Variants in STK3 observed in about 807,000 individuals in gnomAD.
STK3 encodes serine/threonine-protein kinase 3.
STK3 carries 41 observed loss-of-function variants against 58.0 expected under a neutral mutation model. The observed-to-expected ratio is 0.71, with a 90% CI of 0.55 to 0.92. The LOEUF is 0.92. Among genes scored for constraint, STK3 ranks in the 40% least tolerant of loss-of-function variants. STK3 has a pLI of 0.00. For missense variants in STK3, 479 were observed against 602.7 expected (o/e 0.79, Z 2.15); for synonymous variants, 170 against 191.0 (o/e 0.89, Z 0.91).
intron 2 of STK3, 25 bp downstream of exon 2, chr8:98,774,714 A>T: frequency 6.8e-7 from 1 of 1,474,024 alleles, no homozygotes; most frequent in East Asian, 2.3e-5. Flanking sequence ...AATTATTTAC[A>T]TGCTTTCATA....
intron 10 of STK3, among the ~76,000 whole-genome samples, chr8:98,495,060 G>GA (rs1383233336): frequency 2.0e-5 from 3 of 152,254 alleles, no homozygotes; most frequent in Non-Finnish European, 4.4e-5. Context: ...CTTTCCAGAA[G>GA]AAAAAATCCA....
chr8:98,478,579 C>T (rs1821570774), intron 10 of STK3, among the ~76,000 whole-genome samples: 1 of 152,186 alleles, frequency 6.6e-6, no homozygotes, highest in South Asian at 2.1e-4. Context: ...ATGACTAAAA[C>T]TAGCTGCAGG....
chr8:98,410,877 CT>C (rs1364141994), intron 3 of STK3, among the ~76,000 whole-genome samples: 1 of 152,042 alleles, frequency 6.6e-6, no homozygotes, highest in Non-Finnish European at 1.5e-5. Flanking sequence ...ATAATTTACC[CT>C]CAGATCAATA....
intron 1 of STK3, among the ~76,000 whole-genome samples, chr8:98,934,398 G>A (rs186199902): frequency 2.0e-5 from 3 of 152,184 alleles, no homozygotes; most frequent in African/African-American, 4.8e-5. Context: ...TTCCAAGTCC[G>A]ACCCACCTTC....
At chr8:98,889,156 G>T (rs1188167570) in intron 1 of STK3, among the ~76,000 whole-genome samples, 1 of 152,168 alleles carries the variant, frequency 6.6e-6, no homozygotes, top group Non-Finnish European at 1.5e-5. Flanking sequence ...GGAATTGCCT[G>T]GGAACCATTC....
chr8:98,708,749 A>G (rs1563915420), intron 4 of STK3, among the ~76,000 whole-genome samples: 1 of 152,190 alleles, frequency 6.6e-6, no homozygotes, highest in Non-Finnish European at 1.5e-5. Context: ...TTGGCACAAA[A>G]TCTCCTAAGA....
At chr8:98,477,347 A>C (rs1243535593) in intron 10 of STK3, among the ~76,000 whole-genome samples, 1 of 152,092 alleles carries the variant, frequency 6.6e-6, no homozygotes, top group Non-Finnish European at 1.5e-5. Flanking sequence ...ATGTCAATCT[A>C]ATTCTTAGGC....
At chr8:98,844,606 CAGG>C (rs1836125656) in intron 3 of STK3, among the ~76,000 whole-genome samples, 5 of 152,160 alleles carry the variant, frequency 3.3e-5, no homozygotes, top group African/African-American at 1.2e-4. Flanking sequence ...GCTGGGATTA[CAGG>C]CCCGCACCAT....
At position 98,893,482 on chromosome 8, in the gene STK3, GA is replaced by G. The variant is rs1564087217; in HGVS notation, c.-78-9649del. On this transcript the variant is annotated intron_variant, in intron 1 of 1. Transcript: ENST00000519420. ...AGAAAGAAAGAAAGAAAGAAAGAAA[GA>G]AAGAGAAAGAAAGAAAGAAAGAAAG... Among the ~76,000 whole-genome samples the G allele has an allele frequency of 3.9e-3, 221 of 56,412 alleles. 1 individual carries two copies. The highest frequency in any genetic ancestry group is 6.0e-3 in the Non-Finnish European group (181 of 30,186). 37.0% of individuals were successfully genotyped at this position (56,412 alleles called of 152,430 possible).
At chr8:98,511,677 T>C (rs1396965797) in intron 10 of STK3, among the ~76,000 whole-genome samples, 1 of 152,096 alleles carries the variant, frequency 6.6e-6, no homozygotes, top group Non-Finnish European at 1.5e-5. Flanking sequence ...CCATCCACTT[T>C]CTCCTGGAAA....
chr8:98,838,326 T>G (rs1227306215), intron 3 of STK3, among the ~76,000 whole-genome samples: 1 of 152,204 alleles, frequency 6.6e-6, no homozygotes, highest in Non-Finnish European at 1.5e-5. Context: ...TTATATATTT[T>G]TGATCTTTCA....
intron 6 of STK3, among the ~76,000 whole-genome samples, chr8:98,670,820 G>C (rs1822774258): frequency 6.6e-6 from 1 of 152,170 alleles, no homozygotes; most frequent in African/African-American, 2.4e-5. Context: ...ACTGAGAGCT[G>C]CTTCATCACT....
chr8:98,402,706 G>T (rs901467433), intron 3 of STK3, among the ~76,000 whole-genome samples: 1 of 152,190 alleles, frequency 6.6e-6, no homozygotes, highest in Non-Finnish European at 1.5e-5. Flanking sequence ...CCAGCCAGGC[G>T]AGGAGGACAT....
Position 98,836,337 on chromosome 8 carries a change from G to C in STK3, c.110+47310C>G, listed in dbSNP as rs140529621. 3.5e-3 allele frequency among the ~76,000 whole-genome samples: 534 copies of C among 152,298 alleles called. 3 individuals carry two copies. The highest frequency in any genetic ancestry group is 0.012 in the African/African-American group (499 of 41,564). On this transcript the variant is annotated intron_variant, in intron 3 of 12. Transcript: ENST00000523601. ...GATTCATAGACAGCCATCTTTCCCC[G>C]TGTCTTCACATGGTAGAAGAGGTAA...
At chr8:98,792,395 C>T (rs1357208329) in intron 1 of STK3, among the ~76,000 whole-genome samples, 1 of 152,156 alleles carries the variant, frequency 6.6e-6, no homozygotes, top group Admixed American at 6.5e-5. Context: ...TGTGGAGATT[C>T]CTTAAAGAAC....
chr8:98,849,170 G>A (rs1352571023), intron 3 of STK3, among the ~76,000 whole-genome samples: 1 of 149,092 alleles, frequency 6.7e-6, no homozygotes, highest in Non-Finnish European at 1.5e-5. Context: ...AGCTTGCAGT[G>A]AGCCGAGATC....
chr8:98,491,642 C>T (rs1465820591), intron 10 of STK3, among the ~76,000 whole-genome samples: 3 of 152,054 alleles, frequency 2.0e-5, no homozygotes, highest in Non-Finnish European at 2.9e-5. Flanking sequence ...ACCATGTTGG[C>T]CAGGCTGGTC....
chr8:98,587,277 C>G, intron 7 of STK3, among the ~76,000 whole-genome samples: 1 of 151,982 alleles, frequency 6.6e-6, no homozygotes, highest in Non-Finnish European at 1.5e-5. Context: ...GAATGCGTCC[C>G]AGAGATTCTG....
chr8:98,842,429 A>T (rs1836028287), intron 3 of STK3, among the ~76,000 whole-genome samples: 1 of 152,156 alleles, frequency 6.6e-6, no homozygotes, highest in African/African-American at 2.4e-5. Context: ...TAATCCCAAC[A>T]CTTTGGGAGG....
Sources: gnomAD v4.1 joint callset for allele counts (sites outside exome capture counted in the v4.1 genomes callset) on GRCh38, gnomAD v4.1.1 for gene constraint, MANE v1.5 for transcripts, NCBI Gene and HGNC (gene_info 2026-07-23, HGNC 2026-07-21) for gene names.